TBC1D22A: variants seen among roughly 807,000 people sequenced by gnomAD.
TBC1D22A encodes the protein putative GTPase activator.
In TBC1D22A, 38 loss-of-function variants were observed where a neutral mutation model predicts 60.2. The ratio of observed to expected loss-of-function variants is 0.63; its 90% confidence interval spans 0.49 to 0.83. The LOEUF is 0.83. TBC1D22A is among the 40% of genes least tolerant of loss of function. The pLI, the probability that TBC1D22A is intolerant of heterozygous loss-of-function variation, is 0.00. For missense variants in TBC1D22A, 628 were observed against 701.0 expected (o/e 0.90, Z 1.18); for synonymous variants, 302 against 281.7 (o/e 1.07, Z -0.72).
chr22:46,829,959 A>C (rs1161751269), intron 4 of TBC1D22A, among the ~76,000 whole-genome samples: 1 of 152,236 alleles, frequency 6.6e-6, no homozygotes. Flanking sequence ...CCATGAAAGG[A>C]GCAGGGGTAC....
intron 11 of TBC1D22A, among the ~76,000 whole-genome samples, chr22:47,046,941 G>A (rs2063053921): frequency 6.6e-6 from 1 of 152,196 alleles, no homozygotes; most frequent in Non-Finnish European, 1.5e-5. Flanking sequence ...CCCACTCCAG[G>A]CCACAAAGAG....
chr22:46,866,691 G>A (rs1285063347), intron 4 of TBC1D22A, among the ~76,000 whole-genome samples: 1 of 152,228 alleles, frequency 6.6e-6, no homozygotes, highest in Admixed American at 6.5e-5. Context: ...CTATAGTGCT[G>A]ATGAACCATC....
chr22:46,831,423 C>T (rs936755567), intron 4 of TBC1D22A, among the ~76,000 whole-genome samples: 5 of 152,144 alleles, frequency 3.3e-5, no homozygotes, highest in African/African-American at 7.2e-5. Context: ...CAGTAACTCC[C>T]GGACTCGGAG....
At chr22:47,076,361 G>GTATATATATATATA (rs769322904) in intron 11 of TBC1D22A, among the ~76,000 whole-genome samples, 1,210 of 100,726 alleles carry the variant, frequency 0.012, 15 homozygotes, top group East Asian at 0.026. Flanking sequence ...ATATGTGTGT[G>GTATATATATATATA]TATATATATA....
chr22:46,978,668 G>A (rs1315289199), intron 9 of TBC1D22A, among the ~76,000 whole-genome samples: 14 of 152,188 alleles, frequency 9.2e-5, no homozygotes. Context: ...GGAGGGCAGT[G>A]GTGCGATCTC....
At chr22:47,124,694 G>A (rs1218700898) in intron 12 of TBC1D22A, among the ~76,000 whole-genome samples, 1 of 152,206 alleles carries the variant, frequency 6.6e-6, no homozygotes, top group Non-Finnish European at 1.5e-5. Flanking sequence ...GGAGTGGGCC[G>A]CAGGGCGAGG....
At chr22:47,144,276 C>G (rs552664734) in intron 12 of TBC1D22A, among the ~76,000 whole-genome samples, 1 of 152,214 alleles carries the variant, frequency 6.6e-6, no homozygotes, top group Non-Finnish European at 1.5e-5. Context: ...TTCTAGTGGC[C>G]GCAGCCGCCC....
At chr22:47,149,654 G>T (rs2067427114) in intron 12 of TBC1D22A, among the ~76,000 whole-genome samples, 1 of 151,986 alleles carries the variant, frequency 6.6e-6, no homozygotes, top group South Asian at 2.1e-4. Flanking sequence ...GGCAGAGCCG[G>T]CAGGGCTGCA....
intron 11 of TBC1D22A, among the ~76,000 whole-genome samples, chr22:47,077,751 T>A (rs1026750906): frequency 2.0e-5 from 3 of 152,178 alleles, no homozygotes; most frequent in Admixed American, 2.0e-4. Context: ...AGCAGGGCCA[T>A]TGGGCTTAGT....
chr22:47,173,051 G>A (rs2068548733), intron 12 of TBC1D22A, among the ~76,000 whole-genome samples: 1 of 152,256 alleles, frequency 6.6e-6, no homozygotes, highest in East Asian at 1.9e-4. Context: ...TGTGGGAGTG[G>A]GAAGCTCCTG....
At chr22:47,079,161 A>G (rs988008226) in intron 11 of TBC1D22A, among the ~76,000 whole-genome samples, 1 of 144,482 alleles carries the variant, frequency 6.9e-6, no homozygotes, top group Non-Finnish European at 1.5e-5. Flanking sequence ...ATCTTGGCTC[A>G]CTGCAACTTC....
Position 46,874,562 on chromosome 22 carries a change from C to CTTTTTTTTT in TBC1D22A, c.638-4069_638-4061dup, listed in dbSNP as rs747481407. On this transcript the variant is annotated intron_variant, in intron 4 of 12. Transcript: ENST00000337137. ...TATGTTTGTTTGGCTACAGGTATGT[C>CTTTTTTTTT]TTTTTTTTTTTTTTTTTTTTTTTTT... Among the ~76,000 whole-genome samples the CTTTTTTTTT allele has an allele frequency of 6.4e-4, 26 of 40,784 alleles. 3 individuals are homozygous for CTTTTTTTTT. The highest frequency in any genetic ancestry group is 2.5e-3 in the African/African-American group (24 of 9,562). 26.8% of individuals were successfully genotyped at this position (40,784 alleles called of 152,430 possible). A position where few individuals can be genotyped will look rare whatever the true frequency, so the allele number is the denominator to read the frequency against.
intron 12 of TBC1D22A, among the ~76,000 whole-genome samples, chr22:47,147,653 G>A (rs909803199): frequency 7.9e-5 from 12 of 152,256 alleles, no homozygotes; most frequent in Non-Finnish European, 1.8e-4. Context: ...GAGCATTTGC[G>A]TTTCTGGCAG....
intron 4 of TBC1D22A, among the ~76,000 whole-genome samples, chr22:46,875,244 CAT>C (rs2067496387): frequency 6.6e-6 from 1 of 152,176 alleles, no homozygotes; most frequent in African/African-American, 2.4e-5. Context: ...GTACTGGCAA[CAT>C]GTGTGACTCT....
chr22:47,162,809 T>C (rs9798795), intron 12 of TBC1D22A, among the ~76,000 whole-genome samples: 62,230 of 108,736 alleles, frequency 0.57, 16,393 homozygotes, highest in East Asian at 0.71. Context: ...AGTGGGACTG[T>C]GGACCCGGTG....
intron 10 of TBC1D22A, among the ~76,000 whole-genome samples, chr22:47,011,194 A>G (rs1221488437): frequency 6.6e-6 from 1 of 152,162 alleles, no homozygotes; most frequent in Admixed American, 6.5e-5. Flanking sequence ...GAGCCCTCCC[A>G]GTTCCTCCCT....
chr22:46,814,352 G>A (rs922804513), intron 4 of TBC1D22A, among the ~76,000 whole-genome samples: 1 of 152,146 alleles, frequency 6.6e-6, no homozygotes, highest in Admixed American at 6.5e-5. Context: ...AGGCTTGAAG[G>A]GGTTAAGAAA....
chr22:47,078,724 G>T (rs1366597853), intron 11 of TBC1D22A, among the ~76,000 whole-genome samples: 1 of 152,168 alleles, frequency 6.6e-6, no homozygotes, highest in Non-Finnish European at 1.5e-5. Context: ...CACTACCTGT[G>T]GTGACAGTGA....
At chr22:46,915,764 G>A (rs2070322552) in intron 8 of TBC1D22A, 1 of 456,602 alleles carries the variant, frequency 2.2e-6, no homozygotes, top group Non-Finnish European at 4.4e-6. Context: ...TCCAGAGCCT[G>A]TAAAGATCCA....
Sources: allele counts gnomAD v4.1 joint callset (sites outside exome capture counted in the v4.1 genomes callset), GRCh38; gene constraint gnomAD v4.1.1; transcripts MANE v1.5; gene names NCBI Gene and HGNC (gene_info 2026-07-23, HGNC 2026-07-21).